The following COPZ2 variants were observed in gnomAD, a reference collection of about 807,000 sequenced individuals.
The protein encoded by COPZ2 is coatomer subunit zeta-2.
In COPZ2, 30 loss-of-function variants were observed where a neutral mutation model predicts 33.2. The observed-to-expected ratio is 0.90, with a 90% CI of 0.68 to 1.23. COPZ2 has a LOEUF of 1.23. Among genes scored for constraint, COPZ2 ranks in the 50% most tolerant of loss-of-function variants. The pLI is 0.00. For missense variants in COPZ2, 263 were observed against 262.4 expected (o/e 1.00, Z -0.02); for synonymous variants, 89 against 102.6 (o/e 0.87, Z 0.80).
At chr17:48,032,572 T>G in intron 5 of COPZ2, 114 bp downstream of exon 5, 1 of 885,776 alleles carries the variant, frequency 1.1e-6, no homozygotes. Context: ...TGAACTTTTC[T>G]TTTTGGATTA....
chr17:48,026,456 TC>T lies in COPZ2; in HGVS notation c.604del (p.Glu202AsnfsTer8). The T allele has an allele frequency of 6.2e-7, 1 of 1,612,764 alleles. No individual in the cohort carries two copies. The highest frequency in any genetic ancestry group is 8.5e-7 in the Non-Finnish European group (1 of 1,178,912). Reference protein sequence around the residue: ...SVAQVLQSAKEQIKWSLLK With the variant: ...SVAQVLQSAKXQIKWSLLK ...TTTCAATAACGACCATTTAATTTGT[TC>T]CTTGGCAGACTGAAGAACCTGGGGT... On this transcript the variant is annotated frameshift_variant, in exon 9 of 9. Coordinates refer to ENST00000621465, the MANE Select transcript of COPZ2 (RefSeq NM_016429.4). LOFTEE classifies it high-confidence loss of function.
chr17:48,042,128 C>CTTTTTCTT (rs984043359), upstream of COPZ2, among the ~76,000 whole-genome samples: 2 of 151,030 alleles, frequency 1.3e-5, no homozygotes, highest in Non-Finnish European at 3.0e-5. Flanking sequence ...GTTGCTTTTT[C>CTTTTTCTT]TTTTTCTTTT....
At chr17:48,036,148 G>A (rs1360823326) in intron 2 of COPZ2, among the ~76,000 whole-genome samples, 1 of 152,114 alleles carries the variant, frequency 6.6e-6, no homozygotes. Context: ...ATTTTAGTTT[G>A]GTTCGCTCAG....
In COPZ2 at chr17:48,032,138, T is replaced by C. The variant is rs543309121; in HGVS notation, c.494+18A>G. ...AAGGCACTCCTGCTGTGAGTGTCCC[T>C]GACTGTCCCCTCCTCACCCGCCATC... is the stretch of plus-strand genomic sequence containing the variant. On this transcript the variant is annotated intron_variant, in intron 6 of 8. Coordinates refer to ENST00000621465, the MANE Select transcript of COPZ2 (RefSeq NM_016429.4). The C allele has an allele frequency of 2.3e-5, 37 of 1,607,258 alleles. No individual in the cohort carries two copies. In the South Asian group the frequency reaches 3.9e-4, roughly 17 times the overall value.
At position 48,037,255 on chromosome 17, in the gene COPZ2, G is replaced by A. The variant is rs755810162; in HGVS notation, c.112-330C>T. 2.3e-5 allele frequency: 13 copies of A among 569,306 alleles called. No individual in the cohort carries two copies. Among genetic ancestry groups the A allele is most frequent in the Non-Finnish European group, 3.7e-5 (11 of 293,682 alleles). The allele number at this position is 569,306 out of a possible 1,614,324, so 35.3% of individuals were successfully genotyped here. On this transcript the variant is annotated intron_variant, in intron 1 of 8. Transcript: ENST00000621465. This position sits in a 1 kb window ranked among gnomAD's most constrained non-coding sequence, Gnocchi z 5.6. ...CCTGGGCCGGGGGGGACAGCGGGCC[G>A]AGCCTCCTTCTTCCAGCTGATCCCT... is the stretch of plus-strand genomic sequence containing the variant.
chr17:48,040,526 G>A (rs552583151), upstream of COPZ2, among the ~76,000 whole-genome samples: 10 of 150,272 alleles, frequency 6.7e-5, no homozygotes, highest in African/African-American at 9.8e-5. Context: ...TCCGCCTCAC[G>A]GGTTCCAGTG....
At chr17:48,029,321 G>C (rs559137035) in intron 6 of COPZ2, 145 bp from the exon 7 acceptor site, 2 of 738,238 alleles carry the variant, frequency 2.7e-6, no homozygotes, top group South Asian at 3.0e-5. Context: ...TAGCCCTCAA[G>C]TCAGAACTCT....
upstream of COPZ2, chr17:48,037,810 C>T (rs1162817331): frequency 2.0e-6 from 2 of 982,638 alleles, no homozygotes; most frequent in African/African-American, 3.6e-5. This position sits in a 1 kb window ranked among gnomAD's most constrained non-coding sequence, Gnocchi z 5.6. Flanking sequence ...CAGCGCCGCC[C>T]GCCGCCTGCC....
At chr17:48,043,164 G>A in the COPZ2 span, among the ~76,000 whole-genome samples, 4 of 152,282 alleles carry the variant, frequency 2.6e-5, no homozygotes, top group South Asian at 4.1e-4. Flanking sequence ...TACTCCCTTC[G>A]GGTAGGCACA....
rs988269693 is a variant in COPZ2 at position 48,032,374 on chromosome 17, C to A, written c.417-141G>T. On this transcript the variant is annotated intron_variant, in intron 5 of 8. Transcript: ENST00000621465. ...GGACTGGGAAGGAGAATGTGAAGGG[C>A]AGTGAGCACAGAGCCCATGCAAGGC... The A allele has an allele frequency of 6.6e-6, 5 of 760,954 alleles. No homozygotes were observed. The African/African-American group carries it at 6.9e-5, about 10-fold the overall frequency. 47.1% of individuals were successfully genotyped at this position (760,954 alleles called of 1,614,324 possible).
In COPZ2 at chr17:48,033,856, C is replaced by CACTT; in HGVS notation, c.268+3_268+6dup. The CACTT allele has an allele frequency of 6.3e-7, 1 of 1,598,346 alleles. No individual in the cohort carries two copies. The highest frequency in any genetic ancestry group is 8.6e-7 in the Non-Finnish European group (1 of 1,169,318). On this transcript the variant is annotated splice_region_variant and intron_variant, in intron 3 of 8. Coordinates refer to ENST00000621465, the MANE Select transcript of COPZ2 (RefSeq NM_016429.4). ...ATAGTCTGCTGGAGGAAGAGGGGGA[C>CACTT]ACTTACTCTCAGTCCGGCTGGTCTT...
Position 48,029,231 on chromosome 17 carries a change from C to T in COPZ2, c.495-55G>A, listed in dbSNP as rs1279767524. 1.2e-4 allele frequency: 173 copies of T among 1,491,236 alleles called. 1 individual carries two copies. Among genetic ancestry groups the T allele is most frequent in the South Asian group, 1.1e-3 (87 of 82,756 alleles). 92.4% of individuals were successfully genotyped at this position (1,491,236 alleles called of 1,614,324 possible). On this transcript the variant is annotated intron_variant, in intron 6 of 8. Coordinates refer to ENST00000621465, the MANE Select transcript of COPZ2 (RefSeq NM_016429.4). ...AAATCAGTGGCACAATCCTCCCCTCCGCCCCTTCTCCTTGCCAAGCCTCTT... is the reference window on the plus strand; with the variant it reads ...AAATCAGTGGCACAATCCTCCCCTCTGCCCCTTCTCCTTGCCAAGCCTCTT...
At chr17:48,041,332 T>C (rs1458447054), upstream of COPZ2, among the ~76,000 whole-genome samples, 1 of 152,118 alleles carries the variant, frequency 6.6e-6, no homozygotes, top group Non-Finnish European at 1.5e-5. Context: ...CTGTGCAAGA[T>C]ATAATACACA....
chr17:48,042,911 G>A (rs781015945), upstream of COPZ2, among the ~76,000 whole-genome samples: 2 of 152,136 alleles, frequency 1.3e-5, no homozygotes, highest in Non-Finnish European at 2.9e-5. Context: ...CATGACAACC[G>A]CTTCCCCACA....
chr17:48,034,008 G>A (rs984843129), intron 2 of COPZ2, 64 bp from the exon 3 acceptor site: 1 of 1,232,554 alleles, frequency 8.1e-7, no homozygotes, highest in Admixed American at 2.0e-5. Flanking sequence ...CCCTAGATTG[G>A]GGGGCAGGAA....
chr17:48,030,645 T>C (rs1446621703), intron 6 of COPZ2, among the ~76,000 whole-genome samples: 1 of 152,184 alleles, frequency 6.6e-6, no homozygotes, highest in Non-Finnish European at 1.5e-5. Context: ...GGTCCTGTAA[T>C]CCATAAAGAA....
At chr17:48,034,382 A>C (rs1406869523) in intron 2 of COPZ2, among the ~76,000 whole-genome samples, 1 of 152,182 alleles carries the variant, frequency 6.6e-6, no homozygotes, top group East Asian at 1.9e-4. Flanking sequence ...CTGGGATTAC[A>C]GGCATGAGCC....
At chr17:48,029,343 G>T (rs1171359877) in intron 6 of COPZ2, 167 bp from the exon 7 acceptor site, 1 of 692,952 alleles carries the variant, frequency 1.4e-6, no homozygotes, top group Non-Finnish European at 2.6e-6. Context: ...CCTCAGCATG[G>T]AGAGCCCTCA....
In COPZ2 at chr17:48,029,162, C is replaced by T. The variant is rs745713000; in HGVS notation, c.509G>A (p.Ser170Asn). The change falls in exon 7 of 9, where the codon AGT becomes AAT. Residue 170 changes from serine to asparagine, a missense_variant. Transcript: ENST00000621465. ...CTTCTGGATCACTTGCTGGGGGTCA[C>T]TCTCCAGAATCACACTACAAGATGA... is the stretch of plus-strand genomic sequence containing the variant. ...EIVDGGVILE[S>N]DPQQVIQKVN... is the part of the protein sequence containing the mutation. 3 of 1,577,336 alleles carry T rather than the reference C, an allele frequency of 1.9e-6. No individual in the cohort carries two copies. Among genetic ancestry groups the T allele is most frequent in the Non-Finnish European group, 2.6e-6 (3 of 1,161,324 alleles).
Sources: gnomAD v4.1 joint callset for allele counts (sites outside exome capture counted in the v4.1 genomes callset) on GRCh38, gnomAD v4.1.1 for gene constraint, Gnocchi (gnomAD v3.1) non-coding constraint, MANE v1.5 for transcripts, NCBI Gene and HGNC (gene_info 2026-07-23, HGNC 2026-07-21) for gene names.